The following SLC16A2 variants were observed in gnomAD, a reference collection of about 807,000 sequenced individuals.
SLC16A2 encodes monocarboxylate transporter 8.
A neutral mutation model predicts 27.2 loss-of-function variants in SLC16A2; 3 were observed. The ratio of observed to expected loss-of-function variants is 0.11; its 90% CI spans 0.05 to 0.28. The LOEUF (loss-of-function observed/expected upper bound fraction) is 0.28. Ranked by LOEUF, SLC16A2 falls within the 10% of genes least tolerant of loss-of-function variation. SLC16A2 has a pLI of 1.00. For synonymous variants in SLC16A2, 202 were observed against 187.8 expected (o/e 1.08, Z -0.62); for missense variants, 295 against 458.5 (o/e 0.64, Z 3.26).
At chrX:74,498,403 C>A (rs1437624366) in intron 1 of SLC16A2, among the ~76,000 whole-genome samples, 1 of 65,876 alleles carries the variant, frequency 1.5e-5, no homozygotes, top group Non-Finnish European at 4.6e-5. Flanking sequence ...ATCCTGTTAA[C>A]CCCCCTCAAC....
chrX:74,458,012 G>A (rs1449826728), intron 1 of SLC16A2, among the ~76,000 whole-genome samples: 1 of 111,604 alleles, frequency 9.0e-6, no homozygotes, highest in Non-Finnish European at 1.9e-5. Context: ...CAGAAAATAG[G>A]ATTCACTGAA....
chrX:74,500,625 C>T (rs1416526036), intron 1 of SLC16A2, among the ~76,000 whole-genome samples: 1 of 111,405 alleles, frequency 9.0e-6, no homozygotes, highest in Non-Finnish European at 1.9e-5. Context: ...GCTTAGCTCC[C>T]ACATATCAGT....
At chrX:74,428,617 T>C (rs919759119) in intron 1 of SLC16A2, among the ~76,000 whole-genome samples, 1 of 111,047 alleles carries the variant, frequency 9.0e-6, no homozygotes, top group African/African-American at 3.3e-5. Flanking sequence ...TACAGAGGCC[T>C]CCCTTCCCCC....
At chrX:74,501,657 G>T (rs1930037897) in intron 1 of SLC16A2, among the ~76,000 whole-genome samples, 1 of 111,211 alleles carries the variant, frequency 9.0e-6, no homozygotes, top group Admixed American at 9.5e-5. Flanking sequence ...CCAGCTGCTG[G>T]CCCACCGCAT....
At chrX:74,473,054 G>T (rs1602120524) in intron 1 of SLC16A2, 1 of 523,584 alleles carries the variant, frequency 1.9e-6, no homozygotes, top group Non-Finnish European at 3.4e-6. Context: ...TGCTACTACT[G>T]GAACCATCAT....
chrX:74,442,674 G>C (rs1274680652), intron 1 of SLC16A2, among the ~76,000 whole-genome samples: 1 of 112,292 alleles, frequency 8.9e-6, no homozygotes, highest in African/African-American at 3.2e-5. Flanking sequence ...CCCTCCAAGA[G>C]GTCCAGGCGC....
intron 1 of SLC16A2, among the ~76,000 whole-genome samples, chrX:74,430,488 C>T (rs977597618): frequency 8.9e-6 from 1 of 112,072 alleles, no homozygotes; most frequent in Admixed American, 9.5e-5. Context: ...ACATGGCATA[C>T]TCTTCTAACT....
At chrX:74,476,248 G>T (rs1242480730) in intron 1 of SLC16A2, among the ~76,000 whole-genome samples, 1 of 111,823 alleles carries the variant, frequency 8.9e-6, no homozygotes, top group East Asian at 2.8e-4. Context: ...AAGCAATTGT[G>T]AATGGGAGTT....
intron 1 of SLC16A2, among the ~76,000 whole-genome samples, chrX:74,518,592 G>GA (rs1361371671): frequency 7.6e-4 from 69 of 90,504 alleles, no homozygotes; most frequent in Non-Finnish European, 6.2e-4. Context: ...TCTGTCTCAA[G>GA]AAAAAAAAAA....
At chrX:74,478,190 A>G (rs1008048231) in intron 1 of SLC16A2, among the ~76,000 whole-genome samples, 1 of 111,771 alleles carries the variant, frequency 8.9e-6, no homozygotes, top group Admixed American at 9.5e-5. Context: ...GTGCATATAT[A>G]TTTAGGATAG....
intron 1 of SLC16A2, among the ~76,000 whole-genome samples, chrX:74,466,375 G>A (rs931258949): frequency 3.6e-5 from 4 of 111,084 alleles, no homozygotes; most frequent in African/African-American, 1.3e-4. Flanking sequence ...ATATGTGGGA[G>A]ATTAGTTCCA....
chrX:74,504,951 C>T (rs1379378932), intron 1 of SLC16A2, among the ~76,000 whole-genome samples: 5 of 111,753 alleles, frequency 4.5e-5, no homozygotes, highest in Admixed American at 2.8e-4. Context: ...AATCATGCCA[C>T]TGCACTCCAA....
At chrX:74,490,630 TG>T (rs1257555313) in intron 1 of SLC16A2, among the ~76,000 whole-genome samples, 1 of 111,421 alleles carries the variant, frequency 9.0e-6, no homozygotes, top group Non-Finnish European at 1.9e-5. Context: ...CTGCACATCA[TG>T]GGGGGTTAAC....
chrX:74,421,661 C>A lies in SLC16A2; in HGVS notation c.24C>A (p.Ser8Arg). 8.3e-7 allele frequency: 1 copy of A among 1,203,229 alleles called. No homozygotes were observed. Among genetic ancestry groups the A allele is most frequent in the South Asian group, 1.8e-5 (1 of 56,058 alleles). Reference protein sequence around the residue: MALQSQASEEAKGPWQEA... With the variant: MALQSQAREEAKGPWQEA... ...CGATGGCGCTGCAAAGCCAGGCGAG[C>A]GAGGAAGCAAAGGGGCCCTGGCAGG... Residue 8 changes from serine to arginine, a missense_variant, in exon 1 of 6, where the codon AGC becomes AGA. Transcript: ENST00000587091.
intron 1 of SLC16A2, among the ~76,000 whole-genome samples, chrX:74,462,560 C>T (rs1449907006): frequency 9.0e-6 from 1 of 111,562 alleles, no homozygotes; most frequent in Non-Finnish European, 1.9e-5. Context: ...CCTCGTGATC[C>T]GCCCATCTCA....
chrX:74,496,659 T>A (rs969516913), intron 1 of SLC16A2, among the ~76,000 whole-genome samples: 7 of 112,467 alleles, frequency 6.2e-5, no homozygotes, highest in Non-Finnish European at 1.3e-4. Flanking sequence ...CCCTCTACCT[T>A]GTCACAAGGA....
At chrX:74,522,842 T>G (rs764702793) in intron 2 of SLC16A2, among the ~76,000 whole-genome samples, 1 of 111,805 alleles carries the variant, frequency 8.9e-6, no homozygotes, top group African/African-American at 3.3e-5. Flanking sequence ...TCACATCCAG[T>G]GGAAAAATGG....
At chrX:74,434,816 G>GTT (rs1210272092) in intron 1 of SLC16A2, among the ~76,000 whole-genome samples, 2,032 of 89,207 alleles carry the variant, frequency 0.023, 81 homozygotes, top group African/African-American at 0.078. Flanking sequence ...ATCTTAGTTT[G>GTT]TTTTTTTTTT....
At chrX:74,449,806 C>T (rs761595772) in intron 1 of SLC16A2, among the ~76,000 whole-genome samples, 1 of 111,898 alleles carries the variant, frequency 8.9e-6, no homozygotes, top group South Asian at 3.8e-4. Flanking sequence ...TTGATTCATC[C>T]TGGTTGTGAG....
Sources: gnomAD v4.1 joint callset for allele counts (sites outside exome capture counted in the v4.1 genomes callset) on GRCh38, gnomAD v4.1.1 for gene constraint, MANE v1.5 for transcripts, NCBI Gene and HGNC (gene_info 2026-07-23, HGNC 2026-07-21) for gene names.